The following PTPN11 variants were observed in gnomAD, a reference collection of about 807,000 sequenced individuals.
PTPN11 encodes tyrosine-protein phosphatase non-receptor type 11.
A neutral mutation model predicts 78.8 loss-of-function variants in PTPN11; 6 were observed. The ratio of observed to expected loss-of-function variants is 0.08; its 90% confidence interval spans 0.04 to 0.15. The LOEUF (loss-of-function observed/expected upper bound fraction) is 0.15. Ranked by LOEUF, PTPN11 falls within the 10% of genes least tolerant of loss-of-function variation. The probability of loss-of-function intolerance (pLI) is 1.00; values close to 1 mark genes in which losing one functional copy is unlikely to be tolerated. For missense variants in PTPN11, 386 were observed against 744.8 expected, an observed-to-expected ratio of 0.52 and a Z score of 5.61; for synonymous variants, 221 against 263.5, an observed-to-expected ratio of 0.84 and a Z score of 1.56.
intron 6 of PTPN11, among the ~76,000 whole-genome samples, chr12:112,460,912 G>A (rs1352355522): frequency 1.3e-5 from 2 of 151,902 alleles, no homozygotes; most frequent in African/African-American, 2.4e-5. Context: ...CTCTTTTTCT[G>A]TCTTCCTTCC....
intron 6 of PTPN11, among the ~76,000 whole-genome samples, chr12:112,468,027 T>C (rs960788823): frequency 6.6e-6 from 1 of 152,208 alleles, no homozygotes; most frequent in Non-Finnish European, 1.5e-5. Context: ...ACTCCTGCAG[T>C]CAGGTGTCTG....
At chr12:112,499,071 A>G (rs1566191061) in intron 13 of PTPN11, among the ~76,000 whole-genome samples, 4 of 152,144 alleles carry the variant, frequency 2.6e-5, no homozygotes, top group South Asian at 2.1e-4. Context: ...TTGCTGTTCA[A>G]TGGGTATAGA....
chr12:112,502,236 T>G lies in PTPN11; in HGVS notation c.1692T>G (p.Thr564=). ...ATCAGAGCCCTCTCCCGCCTTGTAC[T>G]CCAACGCCACCCTGTGCAGAGTAAG... ...SGDQSPLPPC[T]PTPPCAEMRE... is the part of the protein sequence containing the mutation. Residue 564 remains threonine (T), a synonymous_variant, in exon 14 of 16, where the codon ACT becomes ACG. Coordinates refer to ENST00000351677, the MANE Select transcript of PTPN11 (RefSeq NM_002834.5). 2 of 1,613,306 alleles carry G rather than the reference T, an allele frequency of 1.2e-6. No individual in the cohort carries two copies. The highest frequency in any genetic ancestry group is 1.7e-6 in the Non-Finnish European group (2 of 1,179,296).
intron 13 of PTPN11, among the ~76,000 whole-genome samples, chr12:112,493,260 C>T (rs1190437312): frequency 4.6e-5 from 7 of 151,954 alleles, no homozygotes; most frequent in South Asian, 2.1e-4. Flanking sequence ...GGTTTCACTA[C>T]GTTGGCCAGG....
At chr12:112,476,371 T>C (rs977141793) in intron 7 of PTPN11, among the ~76,000 whole-genome samples, 4 of 152,224 alleles carry the variant, frequency 2.6e-5, no homozygotes, top group Non-Finnish European at 5.9e-5. Context: ...ATATGTTGTT[T>C]AGGTAGAGCA....
intron 5 of PTPN11, 112 bp from the exon 6 acceptor site, chr12:112,455,838 T>C: frequency 1.4e-6 from 1 of 713,654 alleles, no homozygotes; most frequent in Non-Finnish European, 2.5e-6. Context: ...ATGAACCCTC[T>C]GTCCGTGCCT....
intron 1 of PTPN11, among the ~76,000 whole-genome samples, chr12:112,445,784 G>C (rs1199889855): frequency 6.6e-6 from 1 of 151,868 alleles, no homozygotes; most frequent in Non-Finnish European, 1.5e-5. Context: ...TGGGATTACA[G>C]GCATGCACCA....
intron 1 of PTPN11, among the ~76,000 whole-genome samples, chr12:112,439,592 C>T (rs559036098): frequency 2.0e-5 from 3 of 152,136 alleles, no homozygotes; most frequent in Admixed American, 6.6e-5. Flanking sequence ...CCTCAGCCTC[C>T]GGAGTAGCTG....
intron 10 of PTPN11, among the ~76,000 whole-genome samples, chr12:112,484,042 G>T (rs2038637650): frequency 1.3e-5 from 2 of 151,604 alleles, no homozygotes; most frequent in East Asian, 3.9e-4. Flanking sequence ...TCGATAGAGG[G>T]ACATGTTTTT....
rs530858550 is a variant in PTPN11, at chr12:112,502,003, A to G, written c.1600-141A>G. ...GGTGAATCCCCTAACAATTTGGTCA[A>G]TGTATCAGTATTCTCAACCCGTCTA... On this transcript the variant is annotated intron_variant, in intron 13 of 15. Coordinates refer to ENST00000351677, the MANE Select transcript of PTPN11 (RefSeq NM_002834.5). 9.4e-5 allele frequency: 65 copies of G among 690,588 alleles called. No homozygotes were observed. The African/African-American group carries it at 1.0e-3, about 11-fold the overall frequency. 42.8% of individuals were successfully genotyped at this position (690,588 alleles called of 1,614,324 possible).
chr12:112,458,124 A>G (rs2038191634), intron 6 of PTPN11, among the ~76,000 whole-genome samples: 1 of 152,174 alleles, frequency 6.6e-6, no homozygotes, highest in Admixed American at 6.5e-5. Context: ...GCTGAGATAG[A>G]TATGATTTCC....
intron 14 of PTPN11, among the ~76,000 whole-genome samples, chr12:112,503,020 G>A (rs1333933261): frequency 1.3e-5 from 2 of 152,226 alleles, no homozygotes; most frequent in Non-Finnish European, 2.9e-5. Flanking sequence ...TACTTTGGGT[G>A]TTTAAACCAG....
chr12:112,462,034 C>CA (rs1491335083), intron 6 of PTPN11, among the ~76,000 whole-genome samples: 11 of 151,758 alleles, frequency 7.2e-5, no homozygotes, highest in Non-Finnish European at 2.9e-5. Flanking sequence ...TTGCGCTTTT[C>CA]AAAAAAATCC....
intron 9 of PTPN11, 93 bp downstream of exon 9, chr12:112,478,108 G>A: frequency 5.0e-6 from 7 of 1,410,680 alleles, no homozygotes; most frequent in South Asian, 1.2e-5. Flanking sequence ...AATGAATTAA[G>A]CTTACTGTAA....
chr12:112,443,089 C>T (rs2037934291), intron 1 of PTPN11, among the ~76,000 whole-genome samples: 1 of 151,194 alleles, frequency 6.6e-6, no homozygotes, highest in Non-Finnish European at 1.5e-5. Context: ...AATACAAGGA[C>T]ACTTGGTTAC....
chr12:112,477,139 C>A (rs2038517432), intron 7 of PTPN11, among the ~76,000 whole-genome samples: 1 of 152,100 alleles, frequency 6.6e-6, no homozygotes, highest in Non-Finnish European at 1.5e-5. Flanking sequence ...ACCTCAGCCT[C>A]CCTAGTAGCT....
chr12:112,428,250 C>A (rs1047420816), intron 1 of PTPN11, among the ~76,000 whole-genome samples: 1 of 152,138 alleles, frequency 6.6e-6, no homozygotes, highest in African/African-American at 2.4e-5. Flanking sequence ...TCAAATGAGG[C>A]CATACCGTTT....
At chr12:112,475,080 C>T (rs1011673100) in intron 7 of PTPN11, among the ~76,000 whole-genome samples, 2 of 152,222 alleles carry the variant, frequency 1.3e-5, no homozygotes, top group African/African-American at 4.8e-5. Flanking sequence ...TAACTCTATG[C>T]TGAACTCTTT....
At chr12:112,459,389 T>G (rs924159419) in intron 6 of PTPN11, among the ~76,000 whole-genome samples, 1 of 152,014 alleles carries the variant, frequency 6.6e-6, no homozygotes, top group Admixed American at 6.6e-5. Context: ...TTTTCGACTC[T>G]GCCCCACTCA....
Sources: allele counts gnomAD v4.1 joint callset (sites outside exome capture counted in the v4.1 genomes callset), GRCh38; gene constraint gnomAD v4.1.1; transcripts MANE v1.5; gene names NCBI Gene and HGNC (gene_info 2026-07-23, HGNC 2026-07-21).